Variants in BAIAP2 observed in about 807,000 individuals in gnomAD.
The protein encoded by BAIAP2 is BAR/IMD domain containing adaptor protein 2.
A neutral mutation model predicts 63.0 loss-of-function variants in BAIAP2; 18 were observed. The ratio of observed to expected loss-of-function variants is 0.29; its 90% CI spans 0.20 to 0.42. BAIAP2 has a LOEUF of 0.42. BAIAP2 is among the 10% of genes least tolerant of loss of function. The pLI, the probability that BAIAP2 is intolerant of heterozygous loss-of-function variation, is 1.00. For missense variants in BAIAP2, 610 were observed against 734.3 expected, an observed-to-expected ratio of 0.83 and a Z score of 1.96; for synonymous variants, 386 against 307.6, an observed-to-expected ratio of 1.25 and a Z score of -2.67.
At chr17:81,079,843 G>A (rs867401469) in intron 3 of BAIAP2, among the ~76,000 whole-genome samples, 1 of 152,174 alleles carries the variant, frequency 6.6e-6, no homozygotes, top group Non-Finnish European at 1.5e-5. Context: ...TGAGTGGGGG[G>A]CATCTGATAG....
rs1231906572 is a variant in BAIAP2, at chr17:81,046,329, G to A, written c.55-7339G>A. Among the ~76,000 whole-genome samples, 1 of 152,174 alleles carries A rather than the reference G, an allele frequency of 6.6e-6. No individual in the cohort carries two copies. The highest frequency in any genetic ancestry group is 1.5e-5 in the Non-Finnish European group (1 of 68,016). ...TCCGACTCAAACCAAGTAAGATGCA[G>A]TTCAAGATCTGCCTCCTCCAGGCAG... On this transcript the variant is annotated intron_variant, in intron 1 of 13. Coordinates refer to ENST00000428708, the MANE Select transcript of BAIAP2 (RefSeq NM_001144888.2). The surrounding 1 kb of genome is among the most constrained non-coding windows in gnomAD (Gnocchi z 4.5).
intron 1 of BAIAP2, 143 bp downstream of exon 1, chr17:81,035,451 G>A (rs2143092612): frequency 5.7e-6 from 2 of 352,508 alleles, no homozygotes; most frequent in South Asian, 1.1e-4. Flanking sequence ...TCCCGGCGCG[G>A]CCACCCGGGA....
chr17:81,093,465 A>G (rs2057133333), intron 6 of BAIAP2, among the ~76,000 whole-genome samples: 1 of 151,642 alleles, frequency 6.6e-6, no homozygotes, highest in East Asian at 1.9e-4. Context: ...ATGATGGGGG[A>G]GGAGGGAGGT....
chr17:81,113,679 G>T (rs2060171926), intron 13 of BAIAP2, among the ~76,000 whole-genome samples: 1 of 152,146 alleles, frequency 6.6e-6, no homozygotes, highest in Non-Finnish European at 1.5e-5. Flanking sequence ...CAGCCCCAGG[G>T]TCCTCAGAGC....
At chr17:81,088,623 G>A (rs955669908) in intron 6 of BAIAP2, among the ~76,000 whole-genome samples, 1 of 152,332 alleles carries the variant, frequency 6.6e-6, no homozygotes, top group East Asian at 1.9e-4. Flanking sequence ...TTTGGTGCCT[G>A]GTGGCTCACG....
chr17:81,057,151 T>C (rs1157104204), intron 2 of BAIAP2, among the ~76,000 whole-genome samples: 2 of 152,186 alleles, frequency 1.3e-5, no homozygotes, highest in Admixed American at 6.5e-5. Context: ...CCCCGCCCTT[T>C]CTGCGGCCTG....
chr17:81,037,815 C>T (rs1167181995), intron 1 of BAIAP2, among the ~76,000 whole-genome samples: 1 of 152,266 alleles, frequency 6.6e-6, no homozygotes, highest in Non-Finnish European at 1.5e-5. Flanking sequence ...TGGTGTTTGC[C>T]TTGGCAAAGG....
intron 13 of BAIAP2, chr17:81,110,587 C>A: frequency 1.6e-6 from 2 of 1,215,624 alleles, no homozygotes; most frequent in Non-Finnish European, 2.1e-6. Flanking sequence ...GTGCCCACCT[C>A]TGCCAGGTAT....
chr17:81,106,810 C>T lies in BAIAP2; in HGVS notation c.1403C>T (p.Pro468Leu), dbSNP rs756189976. ...LLDKDDLAIP[P>L]PDYGAASRAF... ...GACAAGGACGACCTGGCCATCCCACCCCCCGATTACGGCGCCGCCTCCCGG... is the reference window on the plus strand; with the variant it reads ...GACAAGGACGACCTGGCCATCCCACTCCCCGATTACGGCGCCGCCTCCCGG... The change falls in exon 12 of 14, where the codon CCC (proline) becomes CTC (leucine). Residue 468 changes from proline to leucine, a missense_variant. Around this residue, in one of 5 missense-constraint regions of BAIAP2, gnomAD observed 114 missense variants for 98.2 expected, o/e 1.16. Transcript: ENST00000428708. 7.4e-6 allele frequency: 12 copies of T among 1,612,404 alleles called. No individual in the cohort carries two copies. Among genetic ancestry groups the T allele is most frequent in the Non-Finnish European group, 8.5e-6 (10 of 1,179,712 alleles).
intron 1 of BAIAP2, among the ~76,000 whole-genome samples, chr17:81,050,255 C>G (rs1231408163): frequency 6.6e-6 from 1 of 152,220 alleles, no homozygotes; most frequent in Non-Finnish European, 1.5e-5. Flanking sequence ...GATGCCTCTG[C>G]CATTGCCTTC....
intron 1 of BAIAP2, among the ~76,000 whole-genome samples, chr17:81,051,388 G>C (rs971767138): frequency 6.6e-6 from 1 of 152,126 alleles, no homozygotes; most frequent in Non-Finnish European, 1.5e-5. Context: ...TCTTTTGTTT[G>C]TTTTGTTTTT....
At chr17:81,081,311 C>CT (rs1432729195) in intron 3 of BAIAP2, among the ~76,000 whole-genome samples, 1 of 152,330 alleles carries the variant, frequency 6.6e-6, no homozygotes, top group African/African-American at 2.4e-5. Flanking sequence ...GTCCCACCGT[C>CT]TCAGGCTTCC....
intron 13 of BAIAP2, chr17:81,111,105 T>TGAGAG: frequency 1.0e-6 from 1 of 952,604 alleles, no homozygotes; most frequent in Non-Finnish European, 1.6e-6. Context: ...TCACTCTGGG[T>TGAGAG]GCTGGGCCTT....
intron 6 of BAIAP2, among the ~76,000 whole-genome samples, chr17:81,088,575 G>T (rs913066686): frequency 6.6e-6 from 1 of 152,210 alleles, no homozygotes; most frequent in Non-Finnish European, 1.5e-5. Flanking sequence ...TGCCTGTTAT[G>T]GACATTCTGC....
At position 81,035,190 on chromosome 17, in the gene BAIAP2, A is replaced by ACCG. The variant is rs1443134002; in HGVS notation, c.-60_-58dup. On this transcript the variant is annotated 5_prime_UTR_variant, in exon 1 of 14. Coordinates refer to ENST00000428708, the MANE Select transcript of BAIAP2 (RefSeq NM_001144888.2). Reference sequence around the variant, plus strand: ...CTTTCGTCTCCGTCCTGCTGCCGTTACCGCCGCTGCTGCCGCCGCTTGCGT... The same window carrying ACCG: ...CTTTCGTCTCCGTCCTGCTGCCGTTACCGCCGCCGCTGCTGCCGCCGCTTGCGT... 157 of 1,343,432 alleles carry ACCG rather than the reference A, an allele frequency of 1.2e-4. No individual in the cohort carries two copies. Among genetic ancestry groups the ACCG allele is most frequent in the Non-Finnish European group, 1.5e-4 (147 of 1,007,866 alleles). The allele number at this position is 1,343,432 out of a possible 1,614,324, so 83.2% of individuals were successfully genotyped here. A position where few individuals can be genotyped will look rare whatever the true frequency, so the allele number is the denominator to read the frequency against.
chr17:81,042,142 C>CTTTTT (rs36029761), intron 1 of BAIAP2, among the ~76,000 whole-genome samples: 1 of 109,772 alleles, frequency 9.1e-6, no homozygotes, highest in Non-Finnish European at 1.9e-5. Context: ...TTTCTTTTTT[C>CTTTTT]TTTTTTTTTT....
rs77275851 is a variant in BAIAP2 at position 81,054,082 on chromosome 17, G to C, written c.130+339G>C. On this transcript the variant is annotated intron_variant, in intron 2 of 13. Coordinates refer to ENST00000428708, the MANE Select transcript of BAIAP2 (RefSeq NM_001144888.2). The stretch of plus-strand genomic sequence containing the variant: ...GTGGGAGCTGCCTCCTGAGCTGGTA[G>C]AACTGTGCCCTGGCCCCAAGGGTGG... 2.5e-3 allele frequency among the ~76,000 whole-genome samples: 101 copies of C among 40,880 alleles called. 13 individuals carry two copies. Among genetic ancestry groups the C allele is most frequent in the African/African-American group, 0.015 (93 of 6,380 alleles). 26.8% of individuals were successfully genotyped at this position (40,880 alleles called of 152,430 possible).
chr17:81,060,709 T>G (rs2050393321), intron 3 of BAIAP2, among the ~76,000 whole-genome samples: 1 of 152,174 alleles, frequency 6.6e-6, no homozygotes, highest in Admixed American at 6.5e-5. Flanking sequence ...ACATCCTTGT[T>G]TCAAACAAAG....
chr17:81,085,696 A>G lies in BAIAP2; in HGVS notation c.322A>G (p.Lys108Glu). 1 of 1,613,868 alleles carries G rather than the reference A, an allele frequency of 6.2e-7. No homozygotes were observed. Among genetic ancestry groups the G allele is most frequent in the Non-Finnish European group, 8.5e-7 (1 of 1,180,010 alleles). Reference protein sequence around the residue: ...HNELLTQLEQKVELDSRYLSA... With the variant: ...HNELLTQLEQEVELDSRYLSA... ...CGAGCTGCTTACGCAGCTGGAGCAG[A>G]AGGTGGAGCTGGACTCCAGGTATCT... The change falls in exon 5 of 14, where the codon AAG becomes GAG. Residue 108 changes from lysine to glutamate, a missense_variant. Lys to Glu is a moderately conservative substitution (Grantham distance 56). This residue lies in a region of BAIAP2 where 389 missense variants were observed against 455.6 expected (regional missense o/e 0.85). Coordinates refer to ENST00000428708, the MANE Select transcript of BAIAP2 (RefSeq NM_001144888.2).
Sources: gnomAD v4.1 joint callset for allele counts (sites outside exome capture counted in the v4.1 genomes callset) on GRCh38, gnomAD v4.1.1 for gene constraint, gnomAD v4.1.1 regional missense constraint, Gnocchi (gnomAD v3.1) non-coding constraint, MANE v1.5 for transcripts, NCBI Gene and HGNC (gene_info 2026-07-23, HGNC 2026-07-21) for gene names.